Variants in RNLS observed in about 807,000 individuals in gnomAD.
RNLS encodes the protein renalase.
A neutral mutation model predicts 39.8 loss-of-function variants in RNLS; 39 were observed. That is an observed-to-expected ratio of 0.98 (90% CI 0.76 to 1.28). The LOEUF (loss-of-function observed/expected upper bound fraction) is 1.28. Among genes scored for constraint, RNLS ranks in the 50% most tolerant of loss-of-function variants. The pLI is 0.00. For missense variants in RNLS, 410 were observed against 413.3 expected, an observed-to-expected ratio of 0.99 and a Z score of 0.07; for synonymous variants, 147 against 150.7, an observed-to-expected ratio of 0.98 and a Z score of 0.18.
rs532670869 is a variant in RNLS, at chr10:88,579,930, C to T, written c.367+1637G>A. 2.0e-3 allele frequency among the ~76,000 whole-genome samples: 300 copies of T among 152,294 alleles called. 3 individuals are homozygous for T. Among genetic ancestry groups the T allele is most frequent in the African/African-American group, 6.7e-3 (277 of 41,566 alleles). On this transcript the variant is annotated intron_variant, in intron 3 of 6. Coordinates refer to ENST00000331772, the MANE Select transcript of RNLS (RefSeq NM_001031709.3). The stretch of plus-strand genomic sequence containing the variant: ...TAGGCCTCATCCAATCAGTTGAAGG[C>T]CTACATAGGACAAACGCATTGATCC...
At chr10:88,502,725 G>C (rs1277308564) in intron 4 of RNLS, among the ~76,000 whole-genome samples, 3 of 152,050 alleles carry the variant, frequency 2.0e-5, no homozygotes, top group Non-Finnish European at 4.4e-5. Flanking sequence ...ATAAAGTTTT[G>C]GAATCCTATC....
the RNLS span, among the ~76,000 whole-genome samples, chr10:88,217,244 C>A: frequency 6.6e-6 from 1 of 152,150 alleles, no homozygotes; most frequent in African/African-American, 2.4e-5. Flanking sequence ...GAAGAAGCAG[C>A]AAAGTTCGTC....
chr10:88,564,256 C>T (rs1377306413), intron 4 of RNLS, among the ~76,000 whole-genome samples: 1 of 151,952 alleles, frequency 6.6e-6, no homozygotes, highest in Non-Finnish European at 1.5e-5. Context: ...CTTTCCCCAT[C>T]CTCCAATCTA....
chr10:88,274,493 G>A (rs1286995520), exon 7 of RNLS: 1 of 155,836 alleles, frequency 6.4e-6, no homozygotes, highest in African/African-American at 2.4e-5. Flanking sequence ...ATGACTTTAA[G>A]CTTCATCCAT....
At chr10:88,324,867 C>G (rs560209361) in intron 5 of RNLS, among the ~76,000 whole-genome samples, 1 of 152,312 alleles carries the variant, frequency 6.6e-6, no homozygotes, top group South Asian at 2.1e-4. Context: ...TTTGACTACT[C>G]TAGGCACCTC....
At chr10:88,445,363 C>A (rs1841973179) in intron 4 of RNLS, among the ~76,000 whole-genome samples, 1 of 152,186 alleles carries the variant, frequency 6.6e-6, no homozygotes, top group African/African-American at 2.4e-5. Flanking sequence ...ACTGCAAAAA[C>A]ATGCCAAATT....
At chr10:88,527,096 G>A (rs555761198) in intron 4 of RNLS, among the ~76,000 whole-genome samples, 1 of 152,192 alleles carries the variant, frequency 6.6e-6, no homozygotes, top group South Asian at 2.1e-4. Flanking sequence ...TTCTCTGAAG[G>A]TGCAGAATCA....
intron 4 of RNLS, among the ~76,000 whole-genome samples, chr10:88,483,326 C>A (rs1001024422): frequency 6.6e-6 from 1 of 152,174 alleles, no homozygotes; most frequent in African/African-American, 2.4e-5. Context: ...TTGGCCACAG[C>A]CAGTAGTCTC....
At chr10:88,237,026 C>T in the RNLS span, among the ~76,000 whole-genome samples, 1 of 151,982 alleles carries the variant, frequency 6.6e-6, no homozygotes, top group Non-Finnish European at 1.5e-5. Context: ...ATAAAGTTGC[C>T]ATTTATGATA....
At position 88,573,027 on chromosome 10, in the gene RNLS, C is replaced by T. The variant is rs139294588; in HGVS notation, c.402G>A (p.Gln134=). ...CCCATTTGTCATCTCTTAGGTTGAT[C>T]TGTGTCACACGATGTCTGAAGTAGA... ...AEVYFRHRVT[Q]INLRDDKWEV... Residue 134 remains glutamine, a synonymous_variant, in exon 4 of 7, where the codon CAG becomes CAA. Transcript: ENST00000331772. 3.1e-6 allele frequency: 5 copies of T among 1,613,868 alleles called. No individual in the cohort carries two copies. The highest frequency in any genetic ancestry group is 3.3e-5 in the Admixed American group (2 of 60,002).
At chr10:88,422,839 T>C (rs77247334) in intron 4 of RNLS, among the ~76,000 whole-genome samples, 2,364 of 152,192 alleles carry the variant, frequency 0.016, 63 homozygotes, top group African/African-American at 0.054. Context: ...TTGTTGTTTA[T>C]TGCAGCCTCA....
At chr10:88,218,858 A>G in the RNLS span, among the ~76,000 whole-genome samples, 1 of 151,790 alleles carries the variant, frequency 6.6e-6, no homozygotes, top group Non-Finnish European at 1.5e-5. Flanking sequence ...AGCCTTCAAT[A>G]CTCTCCTCAT....
chr10:88,291,611 G>A (rs761107244), intron 6 of RNLS, among the ~76,000 whole-genome samples: 1 of 152,150 alleles, frequency 6.6e-6, no homozygotes, highest in Non-Finnish European at 1.5e-5. Flanking sequence ...ATTGGAGTTG[G>A]CATTTGAGAG....
the RNLS span, among the ~76,000 whole-genome samples, chr10:88,264,759 G>A: frequency 1.3e-5 from 2 of 152,148 alleles, no homozygotes; most frequent in African/African-American, 4.8e-5. Context: ...TGTACAGATT[G>A]TGAAAATTTT....
intron 4 of RNLS, among the ~76,000 whole-genome samples, chr10:88,528,335 A>G (rs542469351): frequency 2.0e-5 from 3 of 152,288 alleles, no homozygotes; most frequent in African/African-American, 7.2e-5. Context: ...ATTACAACTC[A>G]AGTAGGAGAA....
At chr10:88,564,396 T>G (rs1849374947) in intron 4 of RNLS, among the ~76,000 whole-genome samples, 2 of 151,848 alleles carry the variant, frequency 1.3e-5, no homozygotes, top group Admixed American at 6.6e-5. Flanking sequence ...TGCAGGATCT[T>G]AAGGTGGATT....
At chr10:88,247,951 A>G in the RNLS span, among the ~76,000 whole-genome samples, 3 of 152,220 alleles carry the variant, frequency 2.0e-5, no homozygotes, top group South Asian at 6.2e-4. Context: ...AAGACAATGG[A>G]TTCTCACCTA....
chr10:88,274,678 C>T (rs1564654704), exon 7 of RNLS: 2 of 334,018 alleles, frequency 6.0e-6, no homozygotes, highest in East Asian at 1.2e-4. Flanking sequence ...CGTTCAAGTC[C>T]CTACTTTCAC....
At chr10:88,410,265 T>C (rs1197049828) in intron 4 of RNLS, among the ~76,000 whole-genome samples, 2 of 152,170 alleles carry the variant, frequency 1.3e-5, no homozygotes, top group Non-Finnish European at 2.9e-5. Flanking sequence ...AATCAGAGAA[T>C]TTGAAATTTC....
Sources: gnomAD v4.1 joint callset for allele counts (sites outside exome capture counted in the v4.1 genomes callset) on GRCh38, gnomAD v4.1.1 for gene constraint, MANE v1.5 for transcripts, NCBI Gene and HGNC (gene_info 2026-07-23, HGNC 2026-07-21) for gene names.